PCDHA6: variants seen among roughly 807,000 people sequenced by gnomAD.
PCDHA6 encodes the protein protocadherin alpha-6.
Under a neutral mutation model 60.3 loss-of-function variants are expected in PCDHA6, and 55 were observed. That is an observed-to-expected ratio of 0.91 (90% CI 0.73 to 1.14). The LOEUF is 1.14. Among genes scored for constraint, PCDHA6 ranks in the 50% most tolerant of loss-of-function variants. PCDHA6 has a pLI of 0.00. For synonymous variants in PCDHA6, 652 were observed against 557.9 expected (o/e 1.17, Z -2.38); for missense variants, 1,327 against 1,256.5 (o/e 1.06, Z -0.85).
At chr5:140,937,500 C>T (rs2091549219) in intron 1 of PCDHA6, among the ~76,000 whole-genome samples, 1 of 152,024 alleles carries the variant, frequency 6.6e-6, no homozygotes, top group Admixed American at 6.6e-5. Context: ...ACCCGTAATC[C>T]CAGCTACTCA....
At chr5:140,843,318 T>C (rs2150190993) in intron 1 of PCDHA6, 3 of 1,596,010 alleles carry the variant, frequency 1.9e-6, no homozygotes, top group East Asian at 2.2e-5. Flanking sequence ...GCCACGGTTC[T>C]GGTGTCGCTG....
At chr5:140,860,133 G>GTATATATATGTATATATGTGTA (rs2046204026) in intron 1 of PCDHA6, 2 of 149,192 alleles carry the variant, frequency 1.3e-5, no homozygotes, top group African/African-American at 2.5e-5. Context: ...GTGTGTGTGT[G>GTATATATATGTATATATGTGTA]TATATATATG....
intron 1 of PCDHA6, chr5:140,834,432 T>A (rs2150217756): frequency 6.2e-7 from 1 of 1,613,886 alleles, no homozygotes; most frequent in South Asian, 1.1e-5. Context: ...TCTACTGCTG[T>A]TTATTATAAT....
chr5:140,927,480 C>T (rs782233621), intron 1 of PCDHA6: 3 of 1,613,976 alleles, frequency 1.9e-6, no homozygotes, highest in African/African-American at 1.3e-5. Context: ...GCGAACAGCG[C>T]GCCACCCACC....
chr5:140,909,268 A>C (rs946921668), intron 1 of PCDHA6, among the ~76,000 whole-genome samples: 1 of 152,240 alleles, frequency 6.6e-6, no homozygotes. Context: ...ACTGAAGGCA[A>C]ATTGCTTCTG....
intron 1 of PCDHA6, among the ~76,000 whole-genome samples, chr5:140,960,124 T>C (rs966679082): frequency 3.3e-5 from 5 of 152,216 alleles, no homozygotes; most frequent in African/African-American, 1.2e-4. Flanking sequence ...GTATTCCTTA[T>C]GAAATACTTA....
intron 1 of PCDHA6, among the ~76,000 whole-genome samples, chr5:140,942,906 G>C (rs1454697434): frequency 6.6e-6 from 1 of 151,800 alleles, no homozygotes; most frequent in African/African-American, 2.4e-5. Context: ...CTAAGAATAA[G>C]CGTGAAGAAA....
intron 1 of PCDHA6, among the ~76,000 whole-genome samples, chr5:140,880,884 G>A (rs540368068): frequency 2.0e-5 from 3 of 152,304 alleles, no homozygotes; most frequent in South Asian, 4.1e-4. Flanking sequence ...ATAAAGAAAT[G>A]TAGGGCCAGA....
intron 1 of PCDHA6, chr5:140,848,753 G>A (rs1405880656): frequency 2.5e-6 from 4 of 1,593,302 alleles, no homozygotes; most frequent in African/African-American, 1.3e-5. Context: ...TTTTGTTTGT[G>A]AATTCTCGGA....
intron 1 of PCDHA6, among the ~76,000 whole-genome samples, chr5:140,917,244 C>T (rs891511496): frequency 1.9e-4 from 29 of 149,864 alleles, no homozygotes; most frequent in Non-Finnish European, 3.0e-4. Flanking sequence ...CTAGGTACTA[C>T]GATTGCTCAC....
intron 1 of PCDHA6, among the ~76,000 whole-genome samples, chr5:140,833,751 A>AC (rs1562332508): frequency 1.3e-5 from 2 of 151,248 alleles, no homozygotes; most frequent in African/African-American, 2.4e-5. Context: ...CTAAAAAGAA[A>AC]ACACACACAC....
chr5:140,870,655 G>A (rs1554164527), intron 1 of PCDHA6: 1 of 1,612,540 alleles, frequency 6.2e-7, no homozygotes, highest in Non-Finnish European at 8.5e-7. Context: ...CAAGGTGTAC[G>A]CGCTGCAGCC....
Position 140,978,933 on chromosome 5 carries a change from CTT to C in PCDHA6, c.2395-14_2395-13del, listed in dbSNP as rs1179085898. On this transcript the variant is annotated splice_polypyrimidine_tract_variant and intron_variant, in intron 1 of 3. Coordinates refer to ENST00000529310, the MANE Select transcript of PCDHA6 (RefSeq NM_018909.4). The stretch of plus-strand genomic sequence containing the variant: ...TCTTGTCATTTTAACAGAAAACTCT[CTT>C]TGTGATTTTGCAGCCACGACAGCCC... 1.2e-6 allele frequency: 2 copies of C among 1,613,976 alleles called. No individual in the cohort carries two copies. The highest frequency in any genetic ancestry group is 2.7e-5 in the African/African-American group (2 of 74,920).
At chr5:140,907,381 G>T (rs2073350294) in intron 1 of PCDHA6, among the ~76,000 whole-genome samples, 1 of 152,180 alleles carries the variant, frequency 6.6e-6, no homozygotes, top group African/African-American at 2.4e-5. Context: ...TGAGTGCCTT[G>T]GTCAAAGGCA....
At position 140,946,611 on chromosome 5, in the gene PCDHA6, A is replaced by AATATATATATATATATATATATATAT. The variant is rs1554217734; in HGVS notation, c.2395-32317_2395-32316insTATATATATATATATATATATATATA. Among the ~76,000 whole-genome samples, 847 of 86,186 alleles carry AATATATATATATATATATATATATAT rather than the reference A, an allele frequency of 9.8e-3. 28 individuals carry two copies. The highest frequency in any genetic ancestry group is 0.012 in the Non-Finnish European group (550 of 46,284). The allele number at this position is 86,186 out of a possible 152,430, so 56.5% of individuals were successfully genotyped here. ...GGATGAATAGATAAAGAAAATGTGA[A>AATATATATATATATATATATATATAT]ATATATATATATATATATATACAAT... On this transcript the variant is annotated intron_variant, in intron 1 of 3. Coordinates refer to ENST00000529310, the MANE Select transcript of PCDHA6 (RefSeq NM_018909.4).
rs2150174166 is a variant in PCDHA6, at chr5:140,829,768, C to A, written c.1677C>A (p.Asn559Lys). ...VTLQVFVLDE[N>K]DNAPALLAPR... ...TGCAGGTGTTCGTGCTGGACGAGAACGACAACGCGCCGGCGCTGCTGGCGC... is the reference window on the plus strand; with the variant it reads ...TGCAGGTGTTCGTGCTGGACGAGAAAGACAACGCGCCGGCGCTGCTGGCGC... The change falls in exon 1 of 4, where the codon AAC becomes AAA. Residue 559 changes from asparagine (N) to lysine (K), a missense_variant. Physicochemically the swap from Asn to Lys is moderately conservative, Grantham distance 94. Transcript: ENST00000529310. The A allele has an allele frequency of 3.1e-6, 5 of 1,613,766 alleles. No homozygotes were observed. The East Asian group carries it at 6.7e-5, about 22-fold the overall frequency.
At chr5:140,830,541 T>C in intron 1 of PCDHA6, 56 bp downstream of exon 1, 4 of 1,203,448 alleles carry the variant, frequency 3.3e-6, no homozygotes, top group Non-Finnish European at 4.5e-6. Context: ...ATAATTGTTT[T>C]CCTCATATTT....
chr5:140,834,794 AAG>A (rs1773294671), intron 1 of PCDHA6: 1 of 1,613,446 alleles, frequency 6.2e-7, no homozygotes, highest in South Asian at 1.1e-5. Flanking sequence ...CAGCGACACA[AAG>A]GAATCTGTTC....
At chr5:140,845,612 G>A (rs1234666681) in intron 1 of PCDHA6, among the ~76,000 whole-genome samples, 1 of 149,312 alleles carries the variant, frequency 6.7e-6, no homozygotes, top group Non-Finnish European at 1.5e-5. Flanking sequence ...TAAGTATTGT[G>A]GATTCTGAAG....
Sources: gnomAD v4.1 joint callset for allele counts (sites outside exome capture counted in the v4.1 genomes callset) on GRCh38, gnomAD v4.1.1 for gene constraint, MANE v1.5 for transcripts, NCBI Gene and HGNC (gene_info 2026-07-23, HGNC 2026-07-21) for gene names.